Variants in DYNC1LI1 observed in about 807,000 individuals in gnomAD.
DYNC1LI1 encodes dynein cytoplasmic 1 light intermediate chain 1, also known as cytoplasmic dynein 1 light intermediate chain 1.
DYNC1LI1 carries 19 observed loss-of-function variants against 63.8 expected under a neutral mutation model. The ratio of observed to expected loss-of-function variants is 0.30; its 90% CI spans 0.21 to 0.44. The LOEUF (loss-of-function observed/expected upper bound fraction) is 0.44, where lower values mean the gene tolerates loss of function less well. Among genes scored for constraint, DYNC1LI1 ranks in the 20% least tolerant of loss-of-function variants. The pLI, the probability that DYNC1LI1 is intolerant of heterozygous loss-of-function variation, is 1.00. For synonymous variants in DYNC1LI1, 225 were observed against 232.3 expected (o/e 0.97, Z 0.28); for missense variants, 565 against 630.2 (o/e 0.90, Z 1.11).
chr3:32,541,850 G>T (rs117117139), intron 4 of DYNC1LI1, among the ~76,000 whole-genome samples: 1 of 152,132 alleles, frequency 6.6e-6, no homozygotes, highest in African/African-American at 2.4e-5. Flanking sequence ...GAATTCTCAA[G>T]GGCACAATCA....
Position 32,570,811 on chromosome 3 carries a change from G to C in DYNC1LI1, c.-41C>G, listed in dbSNP as rs1321584851. On this transcript the variant is annotated 5_prime_UTR_variant, in exon 1 of 13. Transcript: ENST00000273130. ...CACCACTCCCGGCAAGACTAAATGT[G>C]CGAGGCGGCTGAGGCGGTGGCGGTG... 4 of 1,579,364 alleles carry C rather than the reference G, an allele frequency of 2.5e-6. No individual in the cohort carries two copies. The highest frequency in any genetic ancestry group is 3.4e-6 in the Non-Finnish European group (4 of 1,160,168).
intron 2 of DYNC1LI1, among the ~76,000 whole-genome samples, chr3:32,553,325 GAC>G (rs920678930): frequency 1.3e-5 from 2 of 152,062 alleles, no homozygotes; most frequent in African/African-American, 4.8e-5. Context: ...AGCAGAGTGA[GAC>G]ACTATCCCAA....
intron 12 of DYNC1LI1, among the ~76,000 whole-genome samples, chr3:32,527,893 G>A (rs982845082): frequency 6.6e-6 from 1 of 151,932 alleles, no homozygotes; most frequent in East Asian, 1.9e-4. Flanking sequence ...GGCTGAGGTG[G>A]GAGGATCACT....
intron 12 of DYNC1LI1, 75 bp downstream of exon 12, chr3:32,528,371 T>C (rs1261185258): frequency 1.3e-6 from 2 of 1,537,484 alleles, no homozygotes; most frequent in African/African-American, 2.7e-5. Context: ...AATTATACAC[T>C]TTACATGAGT....
intron 11 of DYNC1LI1, 137 bp downstream of exon 11, chr3:32,529,403 G>C (rs1697666022): frequency 8.6e-6 from 6 of 695,112 alleles, no homozygotes; most frequent in Non-Finnish European, 1.3e-5. Context: ...TTAACTATGA[G>C]ATTATATATC....
intron 2 of DYNC1LI1, among the ~76,000 whole-genome samples, chr3:32,562,609 G>A (rs988410675): frequency 3.3e-5 from 5 of 152,214 alleles, no homozygotes; most frequent in Non-Finnish European, 7.4e-5. Context: ...TTGCAGGCGG[G>A]AGCCACTGAG....
chr3:32,529,323 A>C (rs76606838), intron 11 of DYNC1LI1, among the ~76,000 whole-genome samples: 3,206 of 152,222 alleles, frequency 0.021, 176 homozygotes, highest in East Asian at 0.21. Context: ...AATTGATTAA[A>C]TATAACAAAA....
intron 5 of DYNC1LI1, among the ~76,000 whole-genome samples, chr3:32,537,981 TA>T (rs1470203363): frequency 0.021 from 934 of 45,064 alleles, 186 homozygotes; most frequent in Non-Finnish European, 0.025. Flanking sequence ...TATTTATATA[TA>T]ATATATATAT....
At chr3:32,542,971 T>C (rs888284339) in intron 4 of DYNC1LI1, among the ~76,000 whole-genome samples, 1 of 152,208 alleles carries the variant, frequency 6.6e-6, no homozygotes, top group Non-Finnish European at 1.5e-5. Context: ...TGTAATCTAA[T>C]AGTGGCTGTC....
intron 2 of DYNC1LI1, among the ~76,000 whole-genome samples, chr3:32,552,261 A>T (rs1477533014): frequency 6.6e-6 from 1 of 152,114 alleles, no homozygotes; most frequent in Non-Finnish European, 1.5e-5. Flanking sequence ...TCCTTCTTAC[A>T]AACAAGTATT....
At chr3:32,537,362 G>A (rs1697788318) in intron 5 of DYNC1LI1, 1 of 206,958 alleles carries the variant, frequency 4.8e-6, no homozygotes, top group Non-Finnish European at 9.5e-6. Flanking sequence ...CAAAGTTTTA[G>A]TACCTAAGGG....
intron 2 of DYNC1LI1, among the ~76,000 whole-genome samples, chr3:32,562,281 T>C (rs955671484): frequency 1.3e-5 from 2 of 152,064 alleles, no homozygotes; most frequent in African/African-American, 4.8e-5. Flanking sequence ...AAAAAATAAA[T>C]AAATAAGAAA....
chr3:32,532,549 C>A (rs1419187391), intron 8 of DYNC1LI1: 1 of 148,320 alleles, frequency 6.7e-6, no homozygotes, highest in Non-Finnish European at 1.5e-5. Context: ...ATGTGGGTAA[C>A]TAACTGGAGA....
intron 2 of DYNC1LI1, among the ~76,000 whole-genome samples, chr3:32,567,743 A>T (rs1698288176): frequency 7.4e-6 from 1 of 135,604 alleles, no homozygotes; most frequent in African/African-American, 2.8e-5. Context: ...TCGCTCTGTC[A>T]CCCAGGCTGG....
intron 4 of DYNC1LI1, among the ~76,000 whole-genome samples, chr3:32,542,229 C>T (rs1697891570): frequency 6.6e-6 from 1 of 152,060 alleles, no homozygotes; most frequent in Admixed American, 6.6e-5. Context: ...GCTCAACCTC[C>T]CGAGTGAGTA....
At chr3:32,544,354 A>T (rs1697923699) in intron 4 of DYNC1LI1, among the ~76,000 whole-genome samples, 1 of 152,212 alleles carries the variant, frequency 6.6e-6, no homozygotes. Flanking sequence ...TTCCAAAATG[A>T]ACACACACAG....
chr3:32,528,618 AAAC>A lies in DYNC1LI1; in HGVS notation c.1307-20_1307-18del, dbSNP rs1313318372. On this transcript the variant is annotated intron_variant, in intron 11 of 12. Coordinates refer to ENST00000273130, the MANE Select transcript of DYNC1LI1 (RefSeq NM_016141.4). ...TAGCTCCAGCTATAAAAAAATAAAA[AAAC>A]AAAAAGCTTTAGCCAAAACATAAGA... is the stretch of plus-strand genomic sequence containing the variant. 6 of 1,585,658 alleles carry A rather than the reference AAAC, an allele frequency of 3.8e-6. No individual in the cohort carries two copies. The African/African-American group carries it at 8.2e-5, about 22-fold the overall frequency.
chr3:32,570,034 G>C, intron 2 of DYNC1LI1: 1 of 490,226 alleles, frequency 2.0e-6, no homozygotes, highest in South Asian at 2.2e-5. Context: ...TCATTTTCTA[G>C]ATAAACCCCA....
intron 2 of DYNC1LI1, among the ~76,000 whole-genome samples, chr3:32,548,308 C>T (rs998678812): frequency 3.9e-5 from 6 of 152,230 alleles, no homozygotes; most frequent in Middle Eastern, 3.4e-3. Flanking sequence ...ACTGCGCACG[C>T]CTGGGGATCA....
Sources: allele counts gnomAD v4.1 joint callset (sites outside exome capture counted in the v4.1 genomes callset), GRCh38; gene constraint gnomAD v4.1.1; transcripts MANE v1.5; gene names NCBI Gene and HGNC (gene_info 2026-07-23, HGNC 2026-07-21).